The following TTC14 variants were observed in gnomAD, a reference collection of about 807,000 sequenced individuals.
TTC14 encodes the protein tetratricopeptide repeat domain 14.
TTC14 carries 63 observed loss-of-function variants against 79.9 expected under a neutral mutation model. That is an observed-to-expected ratio of 0.79 (90% CI 0.64 to 0.97). The LOEUF (loss-of-function observed/expected upper bound fraction) is 0.97, where lower values mean the gene tolerates loss of function less well. Among genes scored for constraint, TTC14 ranks in the 50% least tolerant of loss-of-function variants. The probability of loss-of-function intolerance (pLI) is 0.00; values close to 1 mark genes in which losing one functional copy is unlikely to be tolerated. For missense variants in TTC14, 895 were observed against 894.0 expected (o/e 1.00, Z -0.01); for synonymous variants, 335 against 309.6 (o/e 1.08, Z -0.86).
In TTC14 at chr3:180,610,392, TATCAAAACAGA is replaced by T. The variant is rs1309967275; in HGVS notation, c.2164_2174del (p.Ile722GlyfsTer9). 1 of 1,613,708 alleles carries T rather than the reference TATCAAAACAGA, an allele frequency of 6.2e-7. No individual in the cohort carries two copies. The highest frequency in any genetic ancestry group is 1.3e-5 in the African/African-American group (1 of 74,984). ...AAAGAGAGGACAATTATGGGGAGGA[TATCAAAACAGA>T]GGTTCCAGAAGAAGATGCACTAAGT... On this transcript the variant is annotated frameshift_variant, in exon 12 of 12. Transcript: ENST00000296015. LOFTEE classifies it high-confidence loss of function.
chr3:180,602,395 C>A lies in TTC14; in HGVS notation c.134C>A (p.Pro45Gln). The A allele has an allele frequency of 6.2e-7, 1 of 1,608,662 alleles. No individual in the cohort carries two copies. Among genetic ancestry groups the A allele is most frequent in the Non-Finnish European group, 8.5e-7 (1 of 1,179,350 alleles). ...LGSAAEPARGPPPQHPLQGRK... is the reference protein window; with the variant it reads ...LGSAAEPARGQPPQHPLQGRK... ...TCGGCCGCCGAGCCAGCCCGGGGCCCGCCGCCCCAGCACCCGTTGCAGGGC... is the reference window on the plus strand; with the variant it reads ...TCGGCCGCCGAGCCAGCCCGGGGCCAGCCGCCCCAGCACCCGTTGCAGGGC... The change falls in exon 1 of 12, where the codon CCG becomes CAG. Residue 45 changes from proline (P) to glutamine (Q), a missense_variant. Pro to Gln is a moderately conservative substitution (Grantham distance 76). Coordinates refer to ENST00000296015, the MANE Select transcript of TTC14 (RefSeq NM_133462.4).
chr3:180,606,448 A>T (rs1716693332), intron 8 of TTC14, 33 bp from the exon 9 acceptor site: 1 of 1,613,290 alleles, frequency 6.2e-7, no homozygotes, highest in Non-Finnish European at 8.5e-7. Flanking sequence ...AGCTTGTGAG[A>T]TACAGCCCTC....
At chr3:180,607,796 T>C in intron 10 of TTC14, 31 bp downstream of exon 10, 1 of 1,599,458 alleles carries the variant, frequency 6.3e-7, no homozygotes, top group Non-Finnish European at 8.5e-7. Context: ...AGAAATTTAG[T>C]GATATTTGAA....
chr3:180,614,679 T>C (rs1331656573), downstream of TTC14: 3 of 402,100 alleles, frequency 7.5e-6, no homozygotes, highest in Non-Finnish European at 1.3e-5. Context: ...TACAGTGAAA[T>C]ACAGCATTTT....
chr3:180,606,077 A>G, intron 7 of TTC14, 176 bp from the exon 8 acceptor site: 1 of 931,330 alleles, frequency 1.1e-6, no homozygotes, highest in Non-Finnish European at 1.6e-6. Context: ...TTTCACCAAT[A>G]TTTGTTGTGA....
Position 180,610,340 on chromosome 3 carries a change from G to A in TTC14, c.2111G>A (p.Arg704His), listed in dbSNP as rs762744582. The A allele has an allele frequency of 1.2e-5, 19 of 1,612,940 alleles. No homozygotes were observed. Among genetic ancestry groups the A allele is most frequent in the South Asian group, 3.3e-5 (3 of 90,806 alleles). Residue 704 changes from arginine to histidine, a missense_variant, in exon 12 of 12, where the codon CGT (arginine) becomes CAT (histidine). By Grantham distance (29) the Arg-to-His change is conservative (BLOSUM62 0). Transcript: ENST00000296015. ...RDFSRHEQRY[R>H]LNTNQGEYER... is the part of the protein sequence containing the mutation. ...TTCAGTAGACATGAGCAAAGATACC[G>A]TTTAAATACAAATCAAGGAGAATAT...
At chr3:180,616,822 A>C (rs748375197) in intron 12 of TTC14, 4 of 1,609,770 alleles carry the variant, frequency 2.5e-6, no homozygotes, top group Non-Finnish European at 2.5e-6. Context: ...AAAGATATCG[A>C]TACCTGTTTG....
At chr3:180,608,428 G>A (rs1716812138) in intron 10 of TTC14, 4 of 1,014,190 alleles carry the variant, frequency 3.9e-6, no homozygotes, top group Non-Finnish European at 4.7e-6. Flanking sequence ...TTGCACTCTG[G>A]GTCATGGGTA....
Position 180,607,733 on chromosome 3 carries a change from G to A in TTC14, c.1258G>A (p.Asp420Asn). 7 of 1,611,692 alleles carry A rather than the reference G, an allele frequency of 4.3e-6. No individual in the cohort carries two copies. Among genetic ancestry groups the A allele is most frequent in the Non-Finnish European group, 5.9e-6 (7 of 1,178,948 alleles). Residue 420 changes from aspartate to asparagine, a missense_variant, in exon 10 of 12, where the codon GAT (aspartate) becomes AAT (asparagine). Physicochemically the swap from Asp to Asn is conservative, Grantham distance 23. Coordinates refer to ENST00000296015, the MANE Select transcript of TTC14 (RefSeq NM_133462.4). ...ALDETFKDAE[D>N]ALQKLHKYMQ... ...GGATGAGACTTTTAAAGATGCAGAG[G>A]ATGCTTTGCAGAAACTTCATAAATA...
chr3:180,602,867 C>CAT, intron 1 of TTC14, 24 bp from the exon 2 acceptor site: 2 of 1,591,606 alleles, frequency 1.3e-6, no homozygotes, highest in Non-Finnish European at 1.7e-6. Context: ...ACCCAATTTT[C>CAT]ATATATATTT....
rs777601316 is a variant in TTC14, at chr3:180,603,272, G to A, written c.435G>A (p.Leu145=). The A allele has an allele frequency of 9.2e-5, 149 of 1,613,916 alleles. 1 individual carries two copies. The highest frequency in any genetic ancestry group is 8.8e-4 in the South Asian group (80 of 91,070). Residue 145 remains leucine (L), a synonymous_variant, in exon 3 of 12, where the codon TTG becomes TTA. Coordinates refer to ENST00000296015, the MANE Select transcript of TTC14 (RefSeq NM_133462.4). The stretch of plus-strand genomic sequence containing the variant: ...GGGAATTCGGTTTTTTCATGGTGTT[G>A]ATCTGTTTAGGAAGTGGTATCATGA... ...SIREFGFFMV[L]ICLGSGIMRD...
chr3:180,605,933 T>A, intron 7 of TTC14, 96 bp downstream of exon 7: 1 of 1,235,524 alleles, frequency 8.1e-7, no homozygotes, highest in African/African-American at 1.5e-5. Flanking sequence ...AAATTTGAGA[T>A]GCATTAAAGT....
intron 4 of TTC14, 26 bp from the exon 5 acceptor site, chr3:180,604,452 T>G (rs1189888924): frequency 1.3e-6 from 2 of 1,576,498 alleles, no homozygotes; most frequent in East Asian, 4.5e-5. Context: ...ACTAATCAGC[T>G]TAGTTCTCTT....
At chr3:180,617,503 A>G in exon 13 of TTC14, 1 of 671,392 alleles carries the variant, frequency 1.5e-6, no homozygotes, top group East Asian at 2.7e-5. Context: ...GACCCTGAAG[A>G]CCTTCAAGTG....
Position 180,610,899 on chromosome 3 carries a change from T to A in TTC14, c.*357T>A. The A allele has an allele frequency of 1.0e-6, 1 of 986,822 alleles. No individual in the cohort carries two copies. The highest frequency in any genetic ancestry group is 1.2e-6 in the Non-Finnish European group (1 of 830,634). The allele number at this position is 986,822 out of a possible 1,614,324, so 61.1% of individuals were successfully genotyped here. ...CTGTTTGAGAGAAAAATTTGTGCAT[T>A]GAACACTTGGATCATTTTTATAAAA... On this transcript the variant is annotated 3_prime_UTR_variant, in exon 12 of 12. Transcript: ENST00000296015.
At chr3:180,612,741 C>T (rs975650761), downstream of TTC14, among the ~76,000 whole-genome samples, 13 of 152,096 alleles carry the variant, frequency 8.5e-5, no homozygotes, top group African/African-American at 3.1e-4. Flanking sequence ...GTCTTAAACA[C>T]AACAAAAACA....
chr3:180,613,420 A>G (rs1421230606), downstream of TTC14, among the ~76,000 whole-genome samples: 1 of 152,194 alleles, frequency 6.6e-6, no homozygotes, highest in African/African-American at 2.4e-5. Flanking sequence ...GTAGATTCGT[A>G]TGCTGGCCCA....
intron 9 of TTC14, 90 bp from the exon 10 acceptor site, chr3:180,607,558 A>G: frequency 7.1e-7 from 1 of 1,407,842 alleles, no homozygotes; most frequent in Non-Finnish European, 9.3e-7. Flanking sequence ...TTTCCCTAAT[A>G]AGCTCTCTCA....
downstream of TTC14, chr3:180,617,972 G>GGT (rs1375411708): frequency 6.5e-6 from 1 of 152,688 alleles, no homozygotes; most frequent in African/African-American, 2.4e-5. Context: ...GCCCTGTACA[G>GGT]GTGTACCATT....
Sources: gnomAD v4.1 joint callset for allele counts (sites outside exome capture counted in the v4.1 genomes callset) on GRCh38, gnomAD v4.1.1 for gene constraint, MANE v1.5 for transcripts, NCBI Gene and HGNC (gene_info 2026-07-23, HGNC 2026-07-21) for gene names.